SF1: variants seen among roughly 807,000 people sequenced by gnomAD.
SF1 encodes the protein splicing factor 1, also known as branch point-binding protein.
A neutral mutation model predicts 62.5 loss-of-function variants in SF1; 7 were observed. That is an observed-to-expected ratio of 0.11 (90% CI 0.06 to 0.21). The LOEUF (loss-of-function observed/expected upper bound fraction) is 0.21. Among genes scored for constraint, SF1 ranks in the 10% least tolerant of loss-of-function variants. SF1 has a pLI of 1.00. For synonymous variants in SF1, 394 were observed against 323.6 expected (o/e 1.22, Z -2.33); for missense variants, 578 against 884.0 (o/e 0.65, Z 4.39).
chr11:64,770,106 G>C, intron 4 of SF1, 53 bp from the exon 5 acceptor site: 1 of 1,580,994 alleles, frequency 6.3e-7, no homozygotes, highest in Non-Finnish European at 8.7e-7. Flanking sequence ...GACACAGCCA[G>C]CGGCTTTTCT....
rs1215020197 is a variant in SF1, at chr11:64,778,375, G to T, written c.18C>A (p.Asn6Lys). The change falls in exon 1 of 13, where the codon AAC (asparagine) becomes AAA (lysine). Residue 6 changes from asparagine (N) to lysine (K), a missense_variant. By Grantham distance (94) the Asn-to-Lys change is moderately conservative. Around this residue, in one of 7 missense-constraint regions of SF1, gnomAD observed 37 missense variants for 34.6 expected, o/e 1.07. Transcript: ENST00000377390. Reference protein sequence around the residue: MATGANATPLDFPSKK... With the variant: MATGAKATPLDFPSKK... ...GGCCCAGCTTACCCAACGGCGTGGC[G>T]TTCGCTCCGGTCGCCATGGCGCCCC... 5.7e-6 allele frequency: 7 copies of T among 1,227,822 alleles called. No individual in the cohort carries two copies. Among genetic ancestry groups the T allele is most frequent in the Non-Finnish European group, 7.1e-6 (7 of 984,436 alleles). 76.1% of individuals were successfully genotyped at this position (1,227,822 alleles called of 1,614,324 possible).
chr11:64,767,343 G>A (rs2058751452), intron 10 of SF1, 92 bp from the exon 11 acceptor site: 9 of 1,313,598 alleles, frequency 6.9e-6, no homozygotes, highest in African/African-American at 2.9e-5. Flanking sequence ...ATCCTTACGC[G>A]AGTTCTGAAA....
Position 64,778,541 on chromosome 11 carries a change from A to C in SF1, c.-149T>G. 3.4e-6 allele frequency: 4 copies of C among 1,176,918 alleles called. No homozygotes were observed. The highest frequency in any genetic ancestry group is 4.2e-6 in the Non-Finnish European group (4 of 952,244). 72.9% of individuals were successfully genotyped at this position (1,176,918 alleles called of 1,614,324 possible). A position where few individuals can be genotyped will look rare whatever the true frequency, so the allele number is the denominator to read the frequency against. ...GGCGGGCGGCGGCGGCGCGAGACGCACAAAGAGGGAGGAGAGAGGGCACCG... is the reference window on the plus strand; with the variant it reads ...GGCGGGCGGCGGCGGCGCGAGACGCCCAAAGAGGGAGGAGAGAGGGCACCG... On this transcript the variant is annotated 5_prime_UTR_variant, in exon 1 of 13. Coordinates refer to ENST00000377390, the MANE Select transcript of SF1 (RefSeq NM_004630.4).
In SF1 at chr11:64,769,096, G is replaced by A; in HGVS notation, c.813C>T (p.Arg271=). 6.2e-7 allele frequency: 1 copy of A among 1,614,170 alleles called. No homozygotes were observed. The change falls in exon 8 of 13, where the codon CGC becomes CGT. Residue 271 remains arginine (R), a synonymous_variant. Coordinates refer to ENST00000377390, the MANE Select transcript of SF1 (RefSeq NM_004630.4). ...TACACACTGTGGTGTTGGTAATGCTGCGGGTCTCTGAGCTCTGCCAGGGTC... is the reference window on the plus strand; with the variant it reads ...TACACACTGTGGTGTTGGTAATGCTACGGGTCTCTGAGCTCTGCCAGGGTC... The part of the protein sequence containing the change: ...ILRPWQSSET[R]SITNTTVCTK...
At position 64,765,313 on chromosome 11, in the gene SF1, A is replaced by G; in HGVS notation, c.*505T>C. The G allele has an allele frequency of 1.5e-6, 1 of 656,150 alleles. No individual in the cohort carries two copies. Among genetic ancestry groups the G allele is most frequent in the Non-Finnish European group, 2.7e-6 (1 of 365,904 alleles). The allele number at this position is 656,150 out of a possible 1,614,324, so 40.6% of individuals were successfully genotyped here. A position where few individuals can be genotyped will look rare whatever the true frequency, so the allele number is the denominator to read the frequency against. Reference sequence around the variant, plus strand: ...AGAAAGGAAAAGATAAAGAAGTAACAAAGGAAAAAGAAAAAAATTAATAAA... The same window carrying G: ...AGAAAGGAAAAGATAAAGAAGTAACGAAGGAAAAAGAAAAAAATTAATAAA... On this transcript the variant is annotated 3_prime_UTR_variant, in exon 13 of 13. Coordinates refer to ENST00000377390, the MANE Select transcript of SF1 (RefSeq NM_004630.4).
intron 3 of SF1, among the ~76,000 whole-genome samples, chr11:64,770,839 G>A (rs1174082390): frequency 2.0e-5 from 3 of 152,178 alleles, no homozygotes; most frequent in Non-Finnish European, 4.4e-5. Context: ...GAGAGCTCAT[G>A]CCCTATGAGG....
Position 64,767,226 on chromosome 11 carries a change from C to G in SF1, c.1368G>C (p.Val456=). The G allele has an allele frequency of 6.2e-7, 1 of 1,614,090 alleles. No individual in the cohort carries two copies. Among genetic ancestry groups the G allele is most frequent in the Non-Finnish European group, 8.5e-7 (1 of 1,179,982 alleles). ...GATGCAGGCGATAGACCCCAGAGCCCACAGGCGTACTTCCCAGGTACTGAT... is the reference window on the plus strand; with the variant it reads ...GATGCAGGCGATAGACCCCAGAGCCGACAGGCGTACTTCCCAGGTACTGAT... ...PMDQYLGSTP[V]GSGVYRLHQG... The change falls in exon 11 of 13, where the codon GTG becomes GTC. Residue 456 remains valine, a synonymous_variant. Coordinates refer to ENST00000377390, the MANE Select transcript of SF1 (RefSeq NM_004630.4).
rs1815018878 is a variant in SF1, at chr11:64,765,173, G to C, written c.*645C>G. 2.8e-6 allele frequency: 1 copy of C among 355,336 alleles called. No individual in the cohort carries two copies. The highest frequency in any genetic ancestry group is 5.6e-5 in the South Asian group (1 of 17,986). 22.0% of individuals were successfully genotyped at this position (355,336 alleles called of 1,614,324 possible). ...CTTGACATGAATGGCCAAAGCCCTT[G>C]CCCAAAACCATTTGCTCCCCTCTCC... is the stretch of plus-strand genomic sequence containing the variant. On this transcript the variant is annotated 3_prime_UTR_variant, in exon 13 of 13. Coordinates refer to ENST00000377390, the MANE Select transcript of SF1 (RefSeq NM_004630.4).
At chr11:64,778,208 G>T in intron 1 of SF1, 154 bp downstream of exon 1, 2 of 1,119,578 alleles carry the variant, frequency 1.8e-6, no homozygotes, top group Non-Finnish European at 2.2e-6. Flanking sequence ...GAAGGGGAAG[G>T]CCGCGGTCAG....
At position 64,765,832 on chromosome 11, in the gene SF1, G is replaced by C. The variant is rs966113873; in HGVS notation, c.1906C>G (p.Pro636Ala). 33 of 1,551,098 alleles carry C rather than the reference G, an allele frequency of 2.1e-5. No individual in the cohort carries two copies. Among genetic ancestry groups the C allele is most frequent in the Non-Finnish European group, 2.3e-5 (26 of 1,148,144 alleles). Reference sequence around the variant, plus strand: ...AAAAAACAAGTCTAGTTCTGTGGTGGAGGCGGTGGGGGAGCTGGAGGCATC... The same window carrying C: ...AAAAAACAAGTCTAGTTCTGTGGTGCAGGCGGTGGGGGAGCTGGAGGCATC... The part of the protein sequence containing the change: ...FGMPPAPPPP[P>A]PQN The change falls in exon 13 of 13, where the codon CCA becomes GCA. Residue 636 changes from proline (P) to alanine (A), a missense_variant. Transcript: ENST00000377390.
At chr11:64,766,586 A>T in intron 12 of SF1, 1 of 410,682 alleles carries the variant, frequency 2.4e-6, no homozygotes. Context: ...CACTCGACCC[A>T]TATGCACCAG....
intron 8 of SF1, among the ~76,000 whole-genome samples, chr11:64,768,805 A>G (rs1488071220): frequency 6.6e-6 from 1 of 152,136 alleles, no homozygotes; most frequent in Non-Finnish European, 1.5e-5. Context: ...ACATACCCAA[A>G]ATGGAAACTT....
intron 2 of SF1, among the ~76,000 whole-genome samples, chr11:64,775,621 G>A (rs1232664861): frequency 1.3e-5 from 2 of 152,198 alleles, no homozygotes; most frequent in African/African-American, 2.4e-5. Flanking sequence ...GTAGGTTTAG[G>A]AGGTCTTTGC....
intron 11 of SF1, 53 bp downstream of exon 11, chr11:64,767,138 AC>A: frequency 1.2e-6 from 2 of 1,612,280 alleles, no homozygotes; most frequent in Non-Finnish European, 1.7e-6. Flanking sequence ...TTGGGCCAGA[AC>A]CCCCACTCAC....
rs2058529402 is a variant in SF1, at chr11:64,764,798, G to A, written c.*1020C>T. The A allele has an allele frequency of 6.6e-6, 1 of 152,564 alleles. No homozygotes were observed. Among genetic ancestry groups the A allele is most frequent in the African/African-American group, 2.4e-5 (1 of 41,446 alleles). The allele number at this position is 152,564 out of a possible 1,614,324, so 9.5% of individuals were successfully genotyped here. ...AGGAAAAAGGAAGGAGAATGAACAAGGGGCTCAAACCCCTACACACTGCAA... is the reference window on the plus strand; with the variant it reads ...AGGAAAAAGGAAGGAGAATGAACAAAGGGCTCAAACCCCTACACACTGCAA... On this transcript the variant is annotated 3_prime_UTR_variant, in exon 13 of 13. Transcript: ENST00000377390.
intron 1 of SF1, chr11:64,777,478 C>T (rs1939492700): frequency 1.0e-6 from 1 of 984,146 alleles, no homozygotes; most frequent in Admixed American, 6.1e-5. Context: ...CAGACCCAAC[C>T]ATCATCTGAA....
At chr11:64,772,821 T>C in intron 3 of SF1, 2 of 985,326 alleles carry the variant, frequency 2.0e-6, no homozygotes, top group Non-Finnish European at 2.4e-6. Context: ...AAAAGTAATT[T>C]AGGGTTGGTT....
At chr11:64,773,358 G>A in intron 3 of SF1, 72 bp downstream of exon 3, 1 of 1,572,448 alleles carries the variant, frequency 6.4e-7, no homozygotes, top group Non-Finnish European at 8.6e-7. Flanking sequence ...GACACAATAT[G>A]TTGCCACCAG....
chr11:64,772,814 A>G lies in SF1; in HGVS notation c.236+616T>C, dbSNP rs577633217. ...ACGCTCCCTTTAAGGAAAAAAAAAA[A>G]GTAATTTAGGGTTGGTTGCATGCCT... On this transcript the variant is annotated intron_variant, in intron 3 of 12. Transcript: ENST00000377390. The G allele has an allele frequency of 3.9e-3, 3,842 of 985,278 alleles. 5 individuals are homozygous for G. Among genetic ancestry groups the G allele is most frequent in the Non-Finnish European group, 4.4e-3 (3,645 of 829,820 alleles). The allele number at this position is 985,278 out of a possible 1,614,324, so 61.0% of individuals were successfully genotyped here. A position where few individuals can be genotyped will look rare whatever the true frequency, so the allele number is the denominator to read the frequency against.
Sources: gnomAD v4.1 joint callset for allele counts (sites outside exome capture counted in the v4.1 genomes callset) on GRCh38, gnomAD v4.1.1 for gene constraint, gnomAD v4.1.1 regional missense constraint, MANE v1.5 for transcripts, NCBI Gene and HGNC (gene_info 2026-07-23, HGNC 2026-07-21) for gene names.